Variants in CPEB3 observed in about 807,000 individuals in gnomAD.
The protein encoded by CPEB3 is cytoplasmic polyadenylation element binding protein 3.
CPEB3 carries 20 observed loss-of-function variants against 67.2 expected under a neutral mutation model. That is an observed-to-expected ratio of 0.30 (90% confidence interval 0.21 to 0.43). The LOEUF (loss-of-function observed/expected upper bound fraction) is 0.43, where lower values mean the gene tolerates loss of function less well. CPEB3 is among the 20% of genes least tolerant of loss of function. The pLI is 1.00. For missense variants in CPEB3, 746 were observed against 968.6 expected, an observed-to-expected ratio of 0.77 and a Z score of 3.05; for synonymous variants, 376 against 393.1, an observed-to-expected ratio of 0.96 and a Z score of 0.51.
intron 7 of CPEB3, among the ~76,000 whole-genome samples, chr10:92,099,381 GGCCCAA>G (rs1191090669): frequency 6.8e-6 from 1 of 147,884 alleles, no homozygotes; most frequent in African/African-American, 2.5e-5. Context: ...TGAACTTAGG[GGCCCAA>G]GCAATCTGCC....
intron 7 of CPEB3, among the ~76,000 whole-genome samples, chr10:92,106,172 C>CT (rs1844441861): frequency 6.6e-6 from 1 of 151,936 alleles, no homozygotes; most frequent in African/African-American, 2.4e-5. Context: ...GGATTACAGG[C>CT]ATGAGCCACT....
intron 1 of CPEB3, among the ~76,000 whole-genome samples, chr10:92,250,858 A>ATTTTTTTTTTTTTTTTTTTT (rs1211646953): frequency 5.8e-5 from 6 of 104,120 alleles, no homozygotes; most frequent in Admixed American, 1.1e-4. Context: ...CACACAGTTA[A>ATTTTTTTTTTTTTTTTTTTT]TTTTTTTTTT....
chr10:92,197,887 T>C (rs1041423435), intron 2 of CPEB3, among the ~76,000 whole-genome samples: 1 of 152,116 alleles, frequency 6.6e-6, no homozygotes, highest in Non-Finnish European at 1.5e-5. Context: ...GGTGGGCAGA[T>C]TGCAACGTCG....
chr10:92,127,421 A>T (rs1185842123), intron 6 of CPEB3, among the ~76,000 whole-genome samples: 1 of 152,124 alleles, frequency 6.6e-6, no homozygotes, highest in African/African-American at 2.4e-5. Context: ...CACGACTGTA[A>T]ATCTAGCACT....
intron 7 of CPEB3, among the ~76,000 whole-genome samples, chr10:92,101,371 T>A (rs968135973): frequency 6.6e-6 from 1 of 152,158 alleles, no homozygotes; most frequent in East Asian, 1.9e-4. Context: ...ATCCTTTTAG[T>A]CTACATAAAT....
At chr10:92,285,075 A>T (rs1184748207) in intron 1 of CPEB3, among the ~76,000 whole-genome samples, 1 of 152,218 alleles carries the variant, frequency 6.6e-6, no homozygotes, top group Non-Finnish European at 1.5e-5. Context: ...AGAAGGAATC[A>T]CATGGTGAAA....
chr10:92,216,377 G>A lies in CPEB3; in HGVS notation c.1005+22969C>T, dbSNP rs1850393397. 5.6e-6 allele frequency: 9 copies of A among 1,612,130 alleles called. No homozygotes were observed. In the South Asian group the frequency reaches 6.6e-5, roughly 12 times the overall value. Reference sequence around the variant, plus strand: ...TCCCGAAGGGCCCGAGGCTCAGGCGGAGGTGTGTTCCGGGGAGCGCACCTA... The same window carrying A: ...TCCCGAAGGGCCCGAGGCTCAGGCGAAGGTGTGTTCCGGGGAGCGCACCTA... On this transcript the variant is annotated intron_variant, in intron 2 of 9. Transcript: ENST00000265997.
At chr10:92,186,208 CAAAA>C (rs1353287748) in intron 3 of CPEB3, among the ~76,000 whole-genome samples, 26 of 44,366 alleles carry the variant, frequency 5.9e-4, no homozygotes, top group Non-Finnish European at 1.1e-3. Flanking sequence ...CCTGTCTCCA[CAAAA>C]AAAAAAAAAA....
rs985095192 is a variant in CPEB3 at position 92,048,717 on chromosome 10, G to A, written c.*3495C>T. 4 of 152,394 alleles carry A rather than the reference G, an allele frequency of 2.6e-5. No individual in the cohort carries two copies. Among genetic ancestry groups the A allele is most frequent in the Non-Finnish European group, 4.4e-5 (3 of 68,006 alleles). 9.4% of individuals were successfully genotyped at this position (152,394 alleles called of 1,614,324 possible). A position where few individuals can be genotyped will look rare whatever the true frequency, so the allele number is the denominator to read the frequency against. ...CTTTACATAACCAAGCATTTTCATC[G>A]TTGTCACACTATTGTAAACCACATC... On this transcript the variant is annotated 3_prime_UTR_variant, in exon 10 of 10. Transcript: ENST00000265997. The surrounding 1 kb of genome is among the most constrained non-coding windows in gnomAD (Gnocchi z 4.1).
intron 6 of CPEB3, among the ~76,000 whole-genome samples, chr10:92,134,122 T>C (rs549611693): frequency 2.4e-4 from 37 of 152,298 alleles, no homozygotes; most frequent in African/African-American, 7.0e-4. Context: ...AAGAATGCCC[T>C]CTCTCACCAC....
chr10:92,168,791 C>CTTTT (rs748498383), intron 4 of CPEB3, among the ~76,000 whole-genome samples: 4 of 118,380 alleles, frequency 3.4e-5, no homozygotes, highest in Non-Finnish European at 5.1e-5. Flanking sequence ...ACCTCTTGCC[C>CTTTT]TTTTTTTTTT....
intron 7 of CPEB3, among the ~76,000 whole-genome samples, chr10:92,105,171 T>C (rs896838452): frequency 7.2e-5 from 11 of 152,236 alleles, no homozygotes; most frequent in African/African-American, 2.4e-4. Flanking sequence ...TGATATGGCT[T>C]AGCCGTGAAT....
At chr10:92,228,184 A>G (rs1197618047) in intron 2 of CPEB3, among the ~76,000 whole-genome samples, 1 of 152,176 alleles carries the variant, frequency 6.6e-6, no homozygotes, top group Non-Finnish European at 1.5e-5. Flanking sequence ...CACTGCACCC[A>G]GCCTATAATT....
chr10:92,260,597 CTGTT>C (rs1471479399), intron 1 of CPEB3, among the ~76,000 whole-genome samples: 3 of 151,104 alleles, frequency 2.0e-5, no homozygotes, highest in East Asian at 1.9e-4. Context: ...AATTTTTTGA[CTGTT>C]TGTTTTATTC....
chr10:92,211,703 AT>A (rs1341394367), intron 2 of CPEB3, among the ~76,000 whole-genome samples: 1 of 150,292 alleles, frequency 6.7e-6, no homozygotes, highest in African/African-American at 2.5e-5. Context: ...CACCAGGTTA[AT>A]TTTTTTGTGT....
At chr10:92,255,030 G>C (rs943215729) in intron 1 of CPEB3, among the ~76,000 whole-genome samples, 2 of 151,964 alleles carry the variant, frequency 1.3e-5, no homozygotes, top group African/African-American at 4.8e-5. Flanking sequence ...ACTCCTAAGA[G>C]AATACTGAGG....
chr10:92,131,888 T>C (rs1845858622), intron 6 of CPEB3, among the ~76,000 whole-genome samples: 1 of 152,230 alleles, frequency 6.6e-6, no homozygotes. Flanking sequence ...ACCCTTGTTC[T>C]AGAGAAGCAC....
chr10:92,052,559 C>A, intron 9 of CPEB3, 120 bp from the exon 10 acceptor site: 1 of 780,842 alleles, frequency 1.3e-6, no homozygotes, highest in East Asian at 2.6e-5. Flanking sequence ...GCTTTCAACT[C>A]TGCTGATACT....
intron 6 of CPEB3, among the ~76,000 whole-genome samples, chr10:92,134,605 T>G (rs1846000351): frequency 6.6e-6 from 1 of 151,928 alleles, no homozygotes; most frequent in African/African-American, 2.4e-5. Flanking sequence ...AATTTATAGA[T>G]TCAGTGCCAT....
Sources: allele counts gnomAD v4.1 joint callset (sites outside exome capture counted in the v4.1 genomes callset), GRCh38; gene constraint gnomAD v4.1.1; non-coding constraint Gnocchi (gnomAD v3.1); transcripts MANE v1.5; gene names NCBI Gene and HGNC (gene_info 2026-07-23, HGNC 2026-07-21).